The following BRAF variants were observed in gnomAD, a reference collection of about 807,000 sequenced individuals.
BRAF encodes B-Raf proto-oncogene, serine/threonine kinase, also known as serine/threonine-protein kinase B-raf.
BRAF carries 16 observed loss-of-function variants against 104.6 expected under a neutral mutation model. The ratio of observed to expected loss-of-function variants is 0.15; its 90% CI spans 0.10 to 0.23. The LOEUF is 0.23. Among genes scored for constraint, BRAF ranks in the 10% least tolerant of loss-of-function variants. The probability of loss-of-function intolerance (pLI) is 1.00; values close to 1 mark genes in which losing one functional copy is unlikely to be tolerated. For missense variants in BRAF, 541 were observed against 937.3 expected, an observed-to-expected ratio of 0.58 and a Z score of 5.52; for synonymous variants, 310 against 341.6, an observed-to-expected ratio of 0.91 and a Z score of 1.02.
chr7:140,726,215 C>G lies in BRAF; in HGVS notation c.*279G>C. On this transcript the variant is annotated 3_prime_UTR_variant, in exon 20 of 20. Coordinates refer to ENST00000644969, the MANE Select transcript of BRAF (RefSeq NM_001374258.1). Reference sequence around the variant, plus strand: ...CCATCATGCCTGACCATCAAAAGGTCAGAATTCAGGGTCTCTCCTCTTTCT... The same window carrying G: ...CCATCATGCCTGACCATCAAAAGGTGAGAATTCAGGGTCTCTCCTCTTTCT... 1 of 1,259,960 alleles carries G rather than the reference C, an allele frequency of 7.9e-7. No homozygotes were observed. The highest frequency in any genetic ancestry group is 1.0e-6 in the Non-Finnish European group (1 of 1,002,558). The allele number at this position is 1,259,960 out of a possible 1,614,324, so 78.0% of individuals were successfully genotyped here.
chr7:140,875,139 A>C (rs1468527550), intron 1 of BRAF, among the ~76,000 whole-genome samples: 3 of 152,220 alleles, frequency 2.0e-5, no homozygotes, highest in Non-Finnish European at 4.4e-5. Context: ...AGAATAGAGT[A>C]ATACATCAGG....
rs745476335 is a variant in BRAF, at chr7:140,924,649, A to G, written c.55T>C (p.Phe19Leu). ...GGGAEPGQAL[F>L]NGDMEPEAGA... Reference sequence around the variant, plus strand: ...GCCTCGGGCTCCATGTCCCCGTTGAACAGAGCCTGGCCCGGCTCCGCGCCG... The same window carrying G: ...GCCTCGGGCTCCATGTCCCCGTTGAGCAGAGCCTGGCCCGGCTCCGCGCCG... Residue 19 changes from phenylalanine (F) to leucine (L), a missense_variant, in exon 1 of 20, where the codon TTC becomes CTC. Coordinates refer to ENST00000644969, the MANE Select transcript of BRAF (RefSeq NM_001374258.1). This position sits in a 1 kb window ranked among gnomAD's most constrained non-coding sequence, Gnocchi z 4.2. The G allele has an allele frequency of 6.9e-7, 1 of 1,444,652 alleles. No homozygotes were observed. The highest frequency in any genetic ancestry group is 1.2e-5 in the South Asian group (1 of 81,976). The allele number at this position is 1,444,652 out of a possible 1,614,324, so 89.5% of individuals were successfully genotyped here. A position where few individuals can be genotyped will look rare whatever the true frequency, so the allele number is the denominator to read the frequency against.
chr7:140,784,048 C>T (rs1432285408), intron 10 of BRAF, among the ~76,000 whole-genome samples: 1 of 152,142 alleles, frequency 6.6e-6, no homozygotes, highest in East Asian at 1.9e-4. Flanking sequence ...GGCAGTGAAT[C>T]TTACTGGGGC....
chr7:140,734,813 A>G, intron 18 of BRAF, 43 bp from the exon 18 acceptor site: 2 of 1,230,242 alleles, frequency 1.6e-6, no homozygotes, highest in Admixed American at 2.8e-5. Context: ...AAAAGAAAAA[A>G]GAAAAAAAAA....
chr7:140,830,928 T>C (rs1806665608), intron 3 of BRAF, among the ~76,000 whole-genome samples: 1 of 152,236 alleles, frequency 6.6e-6, no homozygotes, highest in Admixed American at 6.5e-5. Context: ...CTTGAAGTTC[T>C]GTGAGCTATT....
At chr7:140,894,831 G>A (rs1814694048) in intron 1 of BRAF, among the ~76,000 whole-genome samples, 2 of 152,074 alleles carry the variant, frequency 1.3e-5, no homozygotes, top group Non-Finnish European at 2.9e-5. Context: ...CTGAACAAAT[G>A]CTGTATATAA....
At chr7:140,808,637 G>A (rs1171344005) in intron 4 of BRAF, among the ~76,000 whole-genome samples, 3 of 151,952 alleles carry the variant, frequency 2.0e-5, no homozygotes, top group Non-Finnish European at 2.9e-5. Flanking sequence ...ACTCTGAATG[G>A]TTCAAAAATT....
At chr7:140,768,084 A>G (rs1799500169) in intron 14 of BRAF, among the ~76,000 whole-genome samples, 1 of 152,338 alleles carries the variant, frequency 6.6e-6, no homozygotes, top group East Asian at 1.9e-4. Flanking sequence ...ATTTAAAACA[A>G]CAGCAAGAAA....
At chr7:140,764,632 C>T (rs968102860) in intron 14 of BRAF, among the ~76,000 whole-genome samples, 1 of 152,162 alleles carries the variant, frequency 6.6e-6, no homozygotes, top group African/African-American at 2.4e-5. Flanking sequence ...ACAAAAACCA[C>T]AAGCATTCTT....
intron 1 of BRAF, among the ~76,000 whole-genome samples, chr7:140,874,578 T>C (rs968703724): frequency 6.8e-6 from 1 of 146,740 alleles, no homozygotes; most frequent in Non-Finnish European, 1.5e-5. Flanking sequence ...TCAAAGATAG[T>C]GTCTCAGTTT....
intron 6 of BRAF, 131 bp downstream of exon 6, chr7:140,801,281 C>A: frequency 9.7e-7 from 1 of 1,033,272 alleles, no homozygotes; most frequent in Non-Finnish European, 1.4e-6. Context: ...TCTAACTACA[C>A]TTAAAAAAAA....
chr7:140,860,223 T>C (rs13227429), intron 1 of BRAF, among the ~76,000 whole-genome samples: 57,090 of 152,024 alleles, frequency 0.38, 13,679 homozygotes, highest in Non-Finnish European at 0.54. Flanking sequence ...CAGAACGGAC[T>C]ATATAATAAA....
In BRAF at chr7:140,810,244, C is replaced by A. The variant is rs561806113; in HGVS notation, c.505-1249G>T. On this transcript the variant is annotated intron_variant, in intron 3 of 19. Coordinates refer to ENST00000644969, the MANE Select transcript of BRAF (RefSeq NM_001374258.1). Reference sequence around the variant, plus strand: ...AATTAGGATCTATGACCAGAAATAACAGGACGCAGAGGGTAGTGCAATATA... The same window carrying A: ...AATTAGGATCTATGACCAGAAATAAAAGGACGCAGAGGGTAGTGCAATATA... 1.9e-3 allele frequency among the ~76,000 whole-genome samples: 291 copies of A among 151,824 alleles called. 1 individual carries two copies. The highest frequency in any genetic ancestry group is 6.7e-3 in the African/African-American group (277 of 41,344).
chr7:140,844,334 T>C (rs1394477188), intron 2 of BRAF, among the ~76,000 whole-genome samples: 2 of 152,246 alleles, frequency 1.3e-5, no homozygotes, highest in African/African-American at 4.8e-5. Flanking sequence ...TTTTGCTTCT[T>C]TAGTATTGCT....
At chr7:140,891,730 A>G (rs1814242017) in intron 1 of BRAF, among the ~76,000 whole-genome samples, 1 of 152,134 alleles carries the variant, frequency 6.6e-6, no homozygotes, top group Admixed American at 6.6e-5. Flanking sequence ...GCCTCCCAGC[A>G]GGGTAAGTAT....
rs1795552524 is a variant in BRAF, at chr7:140,725,561, A to G, written c.*933T>C. 3 of 1,048,704 alleles carry G rather than the reference A, an allele frequency of 2.9e-6. No homozygotes were observed. Among genetic ancestry groups the G allele is most frequent in the South Asian group, 4.6e-5 (1 of 21,766 alleles). 65.0% of individuals were successfully genotyped at this position (1,048,704 alleles called of 1,614,324 possible). On this transcript the variant is annotated 3_prime_UTR_variant, in exon 20 of 20. Coordinates refer to ENST00000644969, the MANE Select transcript of BRAF (RefSeq NM_001374258.1). ...CTCACATTCAAAACTGTTATTAAGC[A>G]GTTTTGTGGGGGTTTAGTTAGATAC...
downstream of BRAF, among the ~76,000 whole-genome samples, chr7:140,715,756 TTTGA>T (rs1364386470): frequency 6.6e-6 from 1 of 152,224 alleles, no homozygotes; most frequent in Non-Finnish European, 1.5e-5. Context: ...AAGTACAACA[TTTGA>T]TTGATGATGG....
Position 140,720,293 on chromosome 7 carries a change from A to G in BRAF, c.*6201T>C. 9.4e-7 allele frequency: 1 copy of G among 1,062,280 alleles called. No individual in the cohort carries two copies. The highest frequency in any genetic ancestry group is 5.1e-5 in the East Asian group (1 of 19,690). The allele number at this position is 1,062,280 out of a possible 1,614,324, so 65.8% of individuals were successfully genotyped here. On this transcript the variant is annotated 3_prime_UTR_variant, in exon 20 of 20. Transcript: ENST00000644969. ...ATATCATGAAGGCCAAACTGAGTCTATATATGTGGCATGGCCAAAGGAAAC... is the reference window on the plus strand; with the variant it reads ...ATATCATGAAGGCCAAACTGAGTCTGTATATGTGGCATGGCCAAAGGAAAC...
At chr7:140,923,588 G>A (rs1818498231) in intron 1 of BRAF, among the ~76,000 whole-genome samples, 1 of 152,204 alleles carries the variant, frequency 6.6e-6, no homozygotes, top group Non-Finnish European at 1.5e-5. Context: ...AAAGAGGTGT[G>A]AATGCACAAT....
Sources: allele counts gnomAD v4.1 joint callset (sites outside exome capture counted in the v4.1 genomes callset), GRCh38; gene constraint gnomAD v4.1.1; non-coding constraint Gnocchi (gnomAD v3.1); transcripts MANE v1.5; gene names NCBI Gene and HGNC (gene_info 2026-07-23, HGNC 2026-07-21).